Variants in LMX1A observed in about 807,000 individuals in gnomAD.
The protein encoded by LMX1A is LIM homeobox transcription factor 1-alpha.
Under a neutral mutation model 49.1 loss-of-function variants are expected in LMX1A, and 15 were observed. The observed-to-expected ratio is 0.31, with a 90% CI of 0.20 to 0.47. The LOEUF is 0.47. LMX1A is among the 20% of genes least tolerant of loss of function. The probability of loss-of-function intolerance (pLI) is 1.00; values close to 1 mark genes in which losing one functional copy is unlikely to be tolerated. For missense variants in LMX1A, 372 were observed against 475.8 expected (o/e 0.78, Z 2.03); for synonymous variants, 167 against 185.7 (o/e 0.90, Z 0.82).
rs752910688 is a variant in LMX1A at position 165,355,512 on chromosome 1, G to A, written c.48C>T (p.Asp16=). 1.9e-6 allele frequency: 3 copies of A among 1,614,032 alleles called. No individual in the cohort carries two copies. Among genetic ancestry groups the A allele is most frequent in the East Asian group, 2.2e-5 (1 of 44,838 alleles). Residue 16 remains aspartate, a synonymous_variant, in exon 2 of 9, where the codon GAC becomes GAT. Coordinates refer to ENST00000342310, the MANE Select transcript of LMX1A (RefSeq NM_177398.4). This position sits in a 1 kb window ranked among gnomAD's most constrained non-coding sequence, Gnocchi z 4.7. ...KMEENFQSAI[D]TSASFSSLLG... ...GCAGCGAGGAGAAGGAGGCCGAGGT[G>A]TCGATCGCGCTTTGGAAGTTCTCCT...
In LMX1A at chr1:165,213,650, G is replaced by A. The variant is rs976034973; in HGVS notation, c.660C>T (p.Pro220=). The A allele has an allele frequency of 1.2e-6, 2 of 1,613,960 alleles. No homozygotes were observed. The highest frequency in any genetic ancestry group is 1.1e-5 in the South Asian group (1 of 91,034). Reference sequence around the variant, plus strand: ...CTGCTCCCTCCTATACCTTCCTGCAGGGCTTGGAGGATACTTCAAATGAGG... The same window carrying A: ...CTGCTCCCTCCTATACCTTCCTGCAAGGCTTGGAGGATACTTCAAATGAGG... ...FKASFEVSSK[P]CRKVRETLAA... Residue 220 remains proline, a synonymous_variant, in exon 5 of 9, where the codon CCC becomes CCT. Coordinates refer to ENST00000342310, the MANE Select transcript of LMX1A (RefSeq NM_177398.4).
At chr1:165,316,393 C>T (rs1189191176) in intron 3 of LMX1A, among the ~76,000 whole-genome samples, 1 of 152,170 alleles carries the variant, frequency 6.6e-6, no homozygotes, top group Non-Finnish European at 1.5e-5. Context: ...CGCCCAGCTG[C>T]CTATGGAACC....
intron 5 of LMX1A, among the ~76,000 whole-genome samples, chr1:165,212,380 C>A (rs114598279): frequency 0.017 from 2,553 of 152,288 alleles, 28 homozygotes; most frequent in Non-Finnish European, 0.028. Flanking sequence ...CAGGAGGGGG[C>A]TGCTCCTTCA....
At chr1:165,332,019 T>C (rs1655757455) in intron 3 of LMX1A, among the ~76,000 whole-genome samples, 1 of 152,218 alleles carries the variant, frequency 6.6e-6, no homozygotes, top group African/African-American at 2.4e-5. Context: ...CAGATGTATA[T>C]AGTTCCAAGG....
chr1:165,212,026 A>C (rs1651421563), intron 5 of LMX1A, among the ~76,000 whole-genome samples: 1 of 152,210 alleles, frequency 6.6e-6, no homozygotes, highest in South Asian at 2.1e-4. Flanking sequence ...GGAAGACTGT[A>C]ATTTGTCCTA....
chr1:165,275,836 G>GGTGTGTGTGTGT (rs71661277), intron 3 of LMX1A, among the ~76,000 whole-genome samples: 2 of 128,246 alleles, frequency 1.6e-5, no homozygotes, highest in Non-Finnish European at 3.5e-5. Context: ...ATGGCGCTGG[G>GGTGTGTGTGTGT]GTGTGTGTGT....
At position 165,213,919 on chromosome 1, in the gene LMX1A, A is replaced by G. The variant is rs2102604358; in HGVS notation, c.497-106T>C. On this transcript the variant is annotated intron_variant, in intron 4 of 8. Coordinates refer to ENST00000342310, the MANE Select transcript of LMX1A (RefSeq NM_177398.4). ...AGGTCCACATTTCCAGGATGGCTTTATGTATGAGAGCAATAATCTATGTGG... is the reference window on the plus strand; with the variant it reads ...AGGTCCACATTTCCAGGATGGCTTTGTGTATGAGAGCAATAATCTATGTGG... 4.2e-6 allele frequency: 4 copies of G among 951,548 alleles called. No individual in the cohort carries two copies. In the East Asian group the frequency reaches 9.6e-5, roughly 23 times the overall value. 58.9% of individuals were successfully genotyped at this position (951,548 alleles called of 1,614,324 possible). A position where few individuals can be genotyped will look rare whatever the true frequency, so the allele number is the denominator to read the frequency against.
chr1:165,237,262 C>T (rs1288029388), intron 4 of LMX1A, among the ~76,000 whole-genome samples: 5 of 152,158 alleles, frequency 3.3e-5, no homozygotes, highest in African/African-American at 1.2e-4. Context: ...CTCGCTCTGT[C>T]GCCCAGGCTG....
At position 165,263,247 on chromosome 1, in the gene LMX1A, A is replaced by G. The variant is rs117215512; in HGVS notation, c.264-13607T>C. 9.1e-3 allele frequency among the ~76,000 whole-genome samples: 1,389 copies of G among 152,256 alleles called. 44 individuals are homozygous for G. Among genetic ancestry groups the G allele is most frequent in the Admixed American group, 0.059 (904 of 15,284 alleles). ...CTTTTGAATCTAACTTGTATACCCA[A>G]CTACCTACTCAACATCTTCACTTGG... On this transcript the variant is annotated intron_variant, in intron 3 of 8. Coordinates refer to ENST00000342310, the MANE Select transcript of LMX1A (RefSeq NM_177398.4).
intron 3 of LMX1A, among the ~76,000 whole-genome samples, chr1:165,273,199 C>A (rs1653859420): frequency 6.6e-6 from 1 of 152,170 alleles, no homozygotes; most frequent in African/African-American, 2.4e-5. Context: ...TTCTGAGCAA[C>A]CACTTGGAGA....
At chr1:165,226,715 T>C (rs1192085531) in intron 4 of LMX1A, among the ~76,000 whole-genome samples, 2 of 152,196 alleles carry the variant, frequency 1.3e-5, no homozygotes, top group African/African-American at 2.4e-5. Context: ...CCTTGCTCTA[T>C]ATAAGGGATG....
intron 3 of LMX1A, among the ~76,000 whole-genome samples, chr1:165,322,144 T>C (rs185788514): frequency 8.5e-5 from 13 of 152,206 alleles, no homozygotes; most frequent in African/African-American, 2.9e-4. Context: ...TTATACCTAC[T>C]AGGATGGCCA....
intron 3 of LMX1A, among the ~76,000 whole-genome samples, chr1:165,304,680 A>G (rs933312971): frequency 7.2e-5 from 11 of 152,178 alleles, no homozygotes; most frequent in Admixed American, 5.9e-4. Context: ...CATGATATCC[A>G]AGGATCTCCA....
chr1:165,330,357 C>G (rs1316868599), intron 3 of LMX1A, among the ~76,000 whole-genome samples: 1 of 152,182 alleles, frequency 6.6e-6, no homozygotes, highest in Non-Finnish European at 1.5e-5. Flanking sequence ...GCCTGTAGTC[C>G]CAACTATTTG....
rs1268060271 is a variant in LMX1A, at chr1:165,299,025, A to G, written c.264-49385T>C. ...TATTTTTATTTTTCCCATTTTGTAG[A>G]TGATAAAAATGAAACTCAGAGAGGC... On this transcript the variant is annotated intron_variant, in intron 3 of 8. Transcript: ENST00000342310. 3.3e-5 allele frequency among the ~76,000 whole-genome samples: 5 copies of G among 152,328 alleles called. No individual in the cohort carries two copies. In the East Asian group the frequency reaches 5.8e-4, roughly 18 times the overall value.
intron 3 of LMX1A, among the ~76,000 whole-genome samples, chr1:165,294,250 T>C (rs1438800346): frequency 6.6e-6 from 1 of 150,694 alleles, no homozygotes; most frequent in Non-Finnish European, 1.5e-5. Context: ...GAGCCCAGGC[T>C]CTTTCAGCTG....
intron 3 of LMX1A, among the ~76,000 whole-genome samples, chr1:165,259,256 A>G (rs749964475): frequency 6.6e-6 from 1 of 152,220 alleles, no homozygotes; most frequent in Non-Finnish European, 1.5e-5. Flanking sequence ...ACTTGAGAGG[A>G]AACTGAGGGT....
chr1:165,287,904 TAC>T (rs1191356601), intron 3 of LMX1A, among the ~76,000 whole-genome samples: 4 of 152,340 alleles, frequency 2.6e-5, no homozygotes, highest in Non-Finnish European at 5.9e-5. Flanking sequence ...TAAATCAAGG[TAC>T]ACTTGTCCTG....
At chr1:165,284,403 C>T (rs932191659) in intron 3 of LMX1A, among the ~76,000 whole-genome samples, 3 of 152,152 alleles carry the variant, frequency 2.0e-5, no homozygotes, top group Non-Finnish European at 4.4e-5. Flanking sequence ...TAGGAGCTGA[C>T]GAAGGACTGC....
Sources: gnomAD v4.1 joint callset for allele counts (sites outside exome capture counted in the v4.1 genomes callset) on GRCh38, gnomAD v4.1.1 for gene constraint, Gnocchi (gnomAD v3.1) non-coding constraint, MANE v1.5 for transcripts, NCBI Gene and HGNC (gene_info 2026-07-23, HGNC 2026-07-21) for gene names.